KIN: variants seen among roughly 807,000 people sequenced by gnomAD.
The protein encoded by KIN is DNA/RNA-binding protein KIN17.
A neutral mutation model predicts 63.0 loss-of-function variants in KIN; 47 were observed. The ratio of observed to expected loss-of-function variants is 0.75; its 90% CI spans 0.59 to 0.95. The LOEUF is 0.95. Ranked by LOEUF, KIN falls within the 40% of genes least tolerant of loss-of-function variation. The pLI, the probability that KIN is intolerant of heterozygous loss-of-function variation, is 0.00. For missense variants in KIN, 408 were observed against 460.9 expected, an observed-to-expected ratio of 0.89 and a Z score of 1.05; for synonymous variants, 160 against 157.7, an observed-to-expected ratio of 1.01 and a Z score of -0.11.
Position 7,774,812 on chromosome 10 carries a change from C to T in KIN, c.668+19G>A, listed in dbSNP as rs117665750. 1.8e-4 allele frequency: 278 copies of T among 1,584,990 alleles called. 2 individuals are homozygous for T. The East Asian group carries it at 3.7e-3, about 21-fold the overall frequency. On this transcript the variant is annotated intron_variant, in intron 7 of 12. Transcript: ENST00000379562. ...AAAAATCCTAATGTTTTAAGATATC[C>T]GTGAATGATGCAGCTCACCTTGACT... is the stretch of plus-strand genomic sequence containing the variant.
rs1247065358 is a variant in KIN at position 7,752,377 on chromosome 10, C to T, written c.*3703G>A. On this transcript the variant is annotated 3_prime_UTR_variant, in exon 13 of 13. Transcript: ENST00000379562. ...GCAAATTAAAGCAATGACAAGATCC[C>T]ACTGTACAGCTATTAAGATGGCCAA... 1 of 152,168 alleles carries T rather than the reference C, an allele frequency of 6.6e-6. No homozygotes were observed. The highest frequency in any genetic ancestry group is 1.5e-5 in the Non-Finnish European group (1 of 68,026). The allele number at this position is 152,168 out of a possible 1,614,324, so 9.4% of individuals were successfully genotyped here.
At chr10:7,779,130 G>C (rs1182819936) in intron 4 of KIN, 111 bp from the exon 5 acceptor site, 2 of 1,250,172 alleles carry the variant, frequency 1.6e-6, no homozygotes, top group African/African-American at 1.5e-5. Context: ...AAATCAGGCC[G>C]AGCGCAGTGG....
chr10:7,785,067 T>C (rs572285451), intron 1 of KIN, among the ~76,000 whole-genome samples: 1 of 151,696 alleles, frequency 6.6e-6, no homozygotes, highest in Admixed American at 6.6e-5. Context: ...CTGGGCAACA[T>C]GGGGAGACCC....
Position 7,754,260 on chromosome 10 carries a change from A to C in KIN, c.*1820T>G. ...GTGGGAGAATCAATGACCTAAGCCC[A>C]GGAGGACGAGGCTGCAGTGAGCCAT... On this transcript the variant is annotated 3_prime_UTR_variant, in exon 13 of 13. Transcript: ENST00000379562. 1 of 359,260 alleles carries C rather than the reference A, an allele frequency of 2.8e-6. No homozygotes were observed. The highest frequency in any genetic ancestry group is 7.7e-5 in the East Asian group (1 of 13,006). 22.3% of individuals were successfully genotyped at this position (359,260 alleles called of 1,614,324 possible).
At chr10:7,767,482 G>A (rs906986149) in intron 8 of KIN, among the ~76,000 whole-genome samples, 2 of 152,138 alleles carry the variant, frequency 1.3e-5, no homozygotes, top group Admixed American at 1.3e-4. Context: ...CAGTGACTCA[G>A]TTTCATAGTA....
intron 2 of KIN, among the ~76,000 whole-genome samples, chr10:7,781,716 T>C (rs988878210): frequency 1.7e-5 from 2 of 118,724 alleles, no homozygotes; most frequent in Non-Finnish European, 3.2e-5. Flanking sequence ...AAGGTTGTAG[T>C]AAGCCATGAC....
chr10:7,753,190 T>C lies in KIN; in HGVS notation c.*2890A>G, dbSNP rs1835270007. 1 of 152,254 alleles carries C rather than the reference T, an allele frequency of 6.6e-6. No individual in the cohort carries two copies. The highest frequency in any genetic ancestry group is 2.1e-4 in the South Asian group (1 of 4,834). The allele number at this position is 152,254 out of a possible 1,614,324, so 9.4% of individuals were successfully genotyped here. On this transcript the variant is annotated 3_prime_UTR_variant, in exon 13 of 13. Coordinates refer to ENST00000379562, the MANE Select transcript of KIN (RefSeq NM_012311.4). ...TACAGACTCAGAGGGAAAAAACTAC[T>C]GTGAAGTCTATAATCGTATTTTTAT...
chr10:7,786,063 T>C (rs1835996939), intron 1 of KIN, among the ~76,000 whole-genome samples: 1 of 152,224 alleles, frequency 6.6e-6, no homozygotes, highest in African/African-American at 2.4e-5. Flanking sequence ...TGGATGATAC[T>C]GATGTGTCAA....
chr10:7,781,015 G>T (rs927914), intron 2 of KIN, among the ~76,000 whole-genome samples: 1 of 152,026 alleles, frequency 6.6e-6, no homozygotes, highest in Non-Finnish European at 1.5e-5. Context: ...CTCTGAGCTG[G>T]GTACACCGTA....
chr10:7,751,676 T>G lies in KIN; in HGVS notation c.*4404A>C, dbSNP rs1835245909. ...CTTTTGAAAAACCTACTGCATCTTT[T>G]CCATTTCCTATTTCAAAAATAGAAA... On this transcript the variant is annotated 3_prime_UTR_variant, in exon 13 of 13. Coordinates refer to ENST00000379562, the MANE Select transcript of KIN (RefSeq NM_012311.4). The G allele has an allele frequency of 6.6e-6, 1 of 152,206 alleles. No individual in the cohort carries two copies. Among genetic ancestry groups the G allele is most frequent in the Non-Finnish European group, 1.5e-5 (1 of 68,044 alleles). 9.4% of individuals were successfully genotyped at this position (152,206 alleles called of 1,614,324 possible). A position where few individuals can be genotyped will look rare whatever the true frequency, so the allele number is the denominator to read the frequency against.
chr10:7,760,686 TTTA>T (rs1216567753), intron 11 of KIN, among the ~76,000 whole-genome samples: 4 of 152,188 alleles, frequency 2.6e-5, no homozygotes, highest in Non-Finnish European at 5.9e-5. Context: ...ATTGCTCTAT[TTTA>T]TTATTAGTTA....
At chr10:7,772,942 T>A (rs867597667) in intron 7 of KIN, among the ~76,000 whole-genome samples, 1 of 152,178 alleles carries the variant, frequency 6.6e-6, no homozygotes, top group African/African-American at 2.4e-5. Context: ...GATCTTGAGA[T>A]GAGGAGCTTG....
intron 11 of KIN, among the ~76,000 whole-genome samples, chr10:7,760,928 A>G (rs2130988381): frequency 6.6e-6 from 1 of 152,352 alleles, no homozygotes; most frequent in Admixed American, 6.5e-5. Context: ...GGTGAATCCA[A>G]AATAATTACA....
At chr10:7,769,771 A>G (rs1305913101) in intron 7 of KIN, among the ~76,000 whole-genome samples, 1 of 152,184 alleles carries the variant, frequency 6.6e-6, no homozygotes, top group Non-Finnish European at 1.5e-5. Context: ...GAAGATAATA[A>G]CATGACCCAA....
intron 12 of KIN, 115 bp downstream of exon 12, chr10:7,759,775 G>A (rs754831476): frequency 1.7e-6 from 1 of 598,808 alleles, no homozygotes. Flanking sequence ...TTCCAAATAG[G>A]ATAGAAGGCT....
intron 12 of KIN, among the ~76,000 whole-genome samples, chr10:7,756,693 G>A (rs1458350365): frequency 6.6e-6 from 1 of 152,086 alleles, no homozygotes; most frequent in Admixed American, 6.6e-5. Context: ...AGAGTGAAAC[G>A]TTAACTTCTA....
intron 7 of KIN, among the ~76,000 whole-genome samples, chr10:7,770,132 T>C (rs1351813868): frequency 6.6e-6 from 1 of 152,196 alleles, no homozygotes; most frequent in Non-Finnish European, 1.5e-5. Context: ...GGTTTCGCAA[T>C]GTTGGCCAGG....
chr10:7,756,300 A>C (rs1835332027), intron 12 of KIN, among the ~76,000 whole-genome samples, 158 bp from the exon 13 acceptor site: 1 of 152,272 alleles, frequency 6.6e-6, no homozygotes. Flanking sequence ...TTTAAGAATA[A>C]TCTATGGCAT....
chr10:7,778,806 C>A, intron 5 of KIN, 32 bp downstream of exon 5: 1 of 1,601,996 alleles, frequency 6.2e-7, no homozygotes, highest in Middle Eastern at 1.7e-4. Context: ...GACCTCTGGA[C>A]GTTGCTTCTC....
Sources: allele counts gnomAD v4.1 joint callset (sites outside exome capture counted in the v4.1 genomes callset), GRCh38; gene constraint gnomAD v4.1.1; transcripts MANE v1.5; gene names NCBI Gene and HGNC (gene_info 2026-07-23, HGNC 2026-07-21).